KCNH1: variants seen among roughly 807,000 people sequenced by gnomAD.
KCNH1 encodes voltage-gated delayed rectifier potassium channel KCNH1.
A neutral mutation model predicts 69.2 loss-of-function variants in KCNH1; 27 were observed. The observed-to-expected ratio is 0.39, with a 90% CI of 0.29 to 0.54. The LOEUF (loss-of-function observed/expected upper bound fraction) is 0.54. Ranked by LOEUF, KCNH1 falls within the 20% of genes least tolerant of loss-of-function variation. The pLI, the probability that KCNH1 is intolerant of heterozygous loss-of-function variation, is 0.68. For synonymous variants in KCNH1, 456 were observed against 487.7 expected (o/e 0.93, Z 0.86); for missense variants, 798 against 1,261.6 (o/e 0.63, Z 5.57).
intron 10 of KCNH1, among the ~76,000 whole-genome samples, chr1:210,715,560 A>ACTT (rs1051167269): frequency 7.2e-5 from 11 of 152,076 alleles, no homozygotes; most frequent in Non-Finnish European, 1.3e-4. Flanking sequence ...GCTTGGTTCA[A>ACTT]CTTTGCATTA....
intron 10 of KCNH1, among the ~76,000 whole-genome samples, chr1:210,722,687 A>C (rs1285565542): frequency 6.6e-6 from 1 of 152,138 alleles, no homozygotes; most frequent in Non-Finnish European, 1.5e-5. Flanking sequence ...TTTAACCTCT[A>C]TCCCCTAGCT....
intron 6 of KCNH1, among the ~76,000 whole-genome samples, chr1:210,985,140 A>G (rs1688803796): frequency 1.3e-5 from 2 of 152,086 alleles, no homozygotes; most frequent in South Asian, 2.1e-4. Context: ...TCCCTTTATC[A>G]TTTTTTATTG....
Position 211,032,751 on chromosome 1 carries a change from G to A in KCNH1, c.559-13495C>T, listed in dbSNP as rs1296850692. Among the ~76,000 whole-genome samples the A allele has an allele frequency of 5.9e-5, 9 of 152,096 alleles. No homozygotes were observed. The East Asian group carries it at 7.7e-4, about 13-fold the overall frequency. On this transcript the variant is annotated intron_variant, in intron 5 of 10. Coordinates refer to ENST00000271751, the MANE Select transcript of KCNH1 (RefSeq NM_172362.3). ...TGGATCCCTTCCTTACACCTTATACGAACATTAATTCAAGATGGATTAAAG... is the reference window on the plus strand; with the variant it reads ...TGGATCCCTTCCTTACACCTTATACAAACATTAATTCAAGATGGATTAAAG...
rs1048748600 is a variant in KCNH1, at chr1:211,126,367, G to A, written c.79+7500C>T. Among the ~76,000 whole-genome samples, 10 of 152,062 alleles carry A rather than the reference G, an allele frequency of 6.6e-5. 1 individual carries two copies. The highest frequency in any genetic ancestry group is 2.6e-4 in the Admixed American group (4 of 15,274). ...CTACTAAAAATACAAAAAATTAGCC[G>A]GGCATGGTGGCGGGCTCCTGTAGTC... is the stretch of plus-strand genomic sequence containing the variant. On this transcript the variant is annotated intron_variant, in intron 1 of 10. Transcript: ENST00000271751.
chr1:210,880,885 A>G (rs1396596934), intron 7 of KCNH1, among the ~76,000 whole-genome samples: 1 of 152,206 alleles, frequency 6.6e-6, no homozygotes, highest in Non-Finnish European at 1.5e-5. Flanking sequence ...AAAAATAAAA[A>G]TAAAATCTGA....
chr1:210,706,772 C>T (rs1681923746), intron 10 of KCNH1, among the ~76,000 whole-genome samples: 1 of 152,268 alleles, frequency 6.6e-6, no homozygotes, highest in Non-Finnish European at 1.5e-5. Flanking sequence ...ATTCTCATCA[C>T]ATCACCCCAG....
At chr1:210,963,432 A>T (rs1030091039) in intron 6 of KCNH1, among the ~76,000 whole-genome samples, 2 of 152,168 alleles carry the variant, frequency 1.3e-5, no homozygotes, top group Non-Finnish European at 2.9e-5. Flanking sequence ...TGGATGGAGA[A>T]TGAGTTTGAC....
At chr1:211,062,767 C>T (rs1382348810) in intron 5 of KCNH1, among the ~76,000 whole-genome samples, 4 of 152,108 alleles carry the variant, frequency 2.6e-5, no homozygotes, top group South Asian at 4.1e-4. Context: ...TATCATGTAA[C>T]CCCAGTTAAA....
chr1:210,826,930 C>A (rs1188715178), intron 7 of KCNH1, among the ~76,000 whole-genome samples: 1 of 152,370 alleles, frequency 6.6e-6, no homozygotes, highest in South Asian at 2.1e-4. Flanking sequence ...GGCACATAGA[C>A]ACCTGGAGTC....
At chr1:210,878,219 A>G (rs184630520) in intron 7 of KCNH1, among the ~76,000 whole-genome samples, 1 of 152,236 alleles carries the variant, frequency 6.6e-6, no homozygotes, top group African/African-American at 2.4e-5. Context: ...ATACCCTTCT[A>G]CAATAAATAG....
In KCNH1 at chr1:210,703,235, C is replaced by A. The variant is rs187176995; in HGVS notation, c.2113-19097G>T. Among the ~76,000 whole-genome samples the A allele has an allele frequency of 2.7e-3, 406 of 152,092 alleles. 3 individuals are homozygous for A. The highest frequency in any genetic ancestry group is 9.3e-3 in the African/African-American group (387 of 41,476). The stretch of plus-strand genomic sequence containing the variant: ...TTGTAATTTATGACAAAAACTGCTC[C>A]TAAAAATAATAAAAGACACCAATAT... On this transcript the variant is annotated intron_variant, in intron 10 of 10. Coordinates refer to ENST00000271751, the MANE Select transcript of KCNH1 (RefSeq NM_172362.3).
At chr1:210,776,035 G>C (rs189637520) in intron 9 of KCNH1, among the ~76,000 whole-genome samples, 1 of 152,296 alleles carries the variant, frequency 6.6e-6, no homozygotes, top group South Asian at 2.1e-4. Flanking sequence ...GGTAGACTGT[G>C]GTGGGTCTAT....
chr1:211,122,215 CAT>C (rs1201285036), intron 1 of KCNH1, among the ~76,000 whole-genome samples: 1 of 151,686 alleles, frequency 6.6e-6, no homozygotes, highest in Non-Finnish European at 1.5e-5. Context: ...AGCCAACAAA[CAT>C]ATGAAAAAAA....
intron 6 of KCNH1, among the ~76,000 whole-genome samples, 185 bp downstream of exon 6, chr1:211,018,598 C>T (rs1277733710): frequency 6.6e-6 from 1 of 152,216 alleles, no homozygotes; most frequent in African/African-American, 2.4e-5. Context: ...CATTCACTGT[C>T]ATGCAGGGCC....
At chr1:210,726,097 C>G (rs748481195) in intron 10 of KCNH1, among the ~76,000 whole-genome samples, 1 of 152,084 alleles carries the variant, frequency 6.6e-6, no homozygotes, top group Non-Finnish European at 1.5e-5. Context: ...AACAAAGTAA[C>G]ACATCAAAAA....
intron 7 of KCNH1, among the ~76,000 whole-genome samples, chr1:210,827,048 C>T (rs1574280141): frequency 1.3e-5 from 2 of 152,218 alleles, no homozygotes; most frequent in East Asian, 3.8e-4. Flanking sequence ...TTAGAAATAT[C>T]GGCTTGTGGC....
chr1:211,042,401 C>T (rs80271644), intron 5 of KCNH1, among the ~76,000 whole-genome samples: 7,300 of 152,088 alleles, frequency 0.048, 266 homozygotes, highest in Non-Finnish European at 0.07. Flanking sequence ...TGGTCCTTAA[C>T]ACAAGGCCTG....
chr1:210,813,162 C>A (rs1684742174), intron 7 of KCNH1, among the ~76,000 whole-genome samples: 1 of 152,150 alleles, frequency 6.6e-6, no homozygotes, highest in Admixed American at 6.5e-5. Context: ...ACAGTTGACA[C>A]ACATTGGACA....
intron 6 of KCNH1, among the ~76,000 whole-genome samples, chr1:210,939,932 G>A (rs963616302): frequency 2.6e-5 from 4 of 152,158 alleles, no homozygotes; most frequent in African/African-American, 9.7e-5. Flanking sequence ...TTTGACAATG[G>A]AAAATCTAGT....
Sources: gnomAD v4.1 joint callset for allele counts (sites outside exome capture counted in the v4.1 genomes callset) on GRCh38, gnomAD v4.1.1 for gene constraint, MANE v1.5 for transcripts, NCBI Gene and HGNC (gene_info 2026-07-23, HGNC 2026-07-21) for gene names.